The following GATB variants were observed in gnomAD, a reference collection of about 807,000 sequenced individuals.
The protein encoded by GATB is glutamyl-tRNA(Gln) amidotransferase subunit B, mitochondrial.
Under a neutral mutation model 62.3 loss-of-function variants are expected in GATB, and 39 were observed. The observed-to-expected ratio is 0.63, with a 90% confidence interval of 0.48 to 0.82. The LOEUF (loss-of-function observed/expected upper bound fraction) is 0.82. Among genes scored for constraint, GATB ranks in the 40% least tolerant of loss-of-function variants. The pLI, the probability that GATB is intolerant of heterozygous loss-of-function variation, is 0.00. For missense variants in GATB, 670 were observed against 684.0 expected (o/e 0.98, Z 0.23); for synonymous variants, 276 against 258.9 (o/e 1.07, Z -0.63).
chr4:151,720,727 A>C (rs1739015156), intron 2 of GATB: 1 of 152,194 alleles, frequency 6.6e-6, no homozygotes, highest in Non-Finnish European at 1.5e-5. Flanking sequence ...AGAGTCTAAA[A>C]CATTTGCCCA....
chr4:151,743,012 A>G (rs1026266701), intron 2 of GATB, among the ~76,000 whole-genome samples: 10 of 152,246 alleles, frequency 6.6e-5, no homozygotes, highest in Admixed American at 1.3e-4. Context: ...TAAAAGAGAA[A>G]AACAGAATTT....
At chr4:151,716,549 G>A (rs548953187) in intron 4 of GATB, among the ~76,000 whole-genome samples, 8 of 152,218 alleles carry the variant, frequency 5.3e-5, no homozygotes, top group Non-Finnish European at 1.2e-4. Context: ...AGCATTACAC[G>A]TGTAGGCACC....
intron 5 of GATB, among the ~76,000 whole-genome samples, chr4:151,711,012 G>A (rs1393683773): frequency 1.3e-5 from 2 of 152,058 alleles, no homozygotes; most frequent in Admixed American, 6.5e-5. Context: ...TTCCAATTTC[G>A]GTAAACAGCA....
intron 8 of GATB, 71 bp from the exon 9 acceptor site, chr4:151,701,589 G>T: frequency 1.8e-6 from 2 of 1,094,890 alleles, no homozygotes; most frequent in Non-Finnish European, 2.5e-6. Context: ...ACCTCCCCCA[G>T]TAATATGAAT....
At chr4:151,691,997 CAG>C (rs144292771) in intron 9 of GATB, among the ~76,000 whole-genome samples, 1,922 of 152,304 alleles carry the variant, frequency 0.013, 39 homozygotes, top group African/African-American at 0.044. Flanking sequence ...CTGCTAGACA[CAG>C]AGCTCAGAAC....
At chr4:151,678,880 T>C (rs1192954494) in intron 11 of GATB, among the ~76,000 whole-genome samples, 4 of 92,032 alleles carry the variant, frequency 4.3e-5, no homozygotes, top group Admixed American at 3.5e-4. Flanking sequence ...TTTCTGGTTA[T>C]GTGTTTTTTT....
chr4:151,687,238 A>T (rs150827507), intron 10 of GATB, among the ~76,000 whole-genome samples: 132 of 152,284 alleles, frequency 8.7e-4, no homozygotes, highest in African/African-American at 3.1e-3. Context: ...AGACTCATAG[A>T]TCTTGCCTAC....
intron 5 of GATB, among the ~76,000 whole-genome samples, chr4:151,715,623 C>G (rs1370801719): frequency 6.6e-6 from 1 of 152,130 alleles, no homozygotes; most frequent in Non-Finnish European, 1.5e-5. Context: ...AGGAAAGAAA[C>G]AGACCCAAAG....
chr4:151,683,423 C>T (rs1461118489), intron 10 of GATB, among the ~76,000 whole-genome samples: 1 of 152,212 alleles, frequency 6.6e-6, no homozygotes, highest in Non-Finnish European at 1.5e-5. Flanking sequence ...TCCTCCTCTT[C>T]CTTGCCTGTC....
At chr4:151,748,911 C>T (rs940488858) in intron 2 of GATB, among the ~76,000 whole-genome samples, 9 of 152,186 alleles carry the variant, frequency 5.9e-5, no homozygotes, top group Admixed American at 2.0e-4. Context: ...TGAAAAAATG[C>T]TCATCATCAC....
intron 2 of GATB, chr4:151,722,971 T>C (rs1560856975): frequency 6.6e-6 from 1 of 152,232 alleles, no homozygotes; most frequent in Non-Finnish European, 1.5e-5. Flanking sequence ...TTGTGTGTGA[T>C]ACGATCAAGA....
intron 2 of GATB, among the ~76,000 whole-genome samples, chr4:151,732,459 AG>A (rs1386505287): frequency 6.6e-6 from 1 of 152,150 alleles, no homozygotes; most frequent in Non-Finnish European, 1.5e-5. Flanking sequence ...GTGTCCACTC[AG>A]GGTTGAATGG....
chr4:151,702,131 T>C (rs1265948131), intron 8 of GATB, among the ~76,000 whole-genome samples: 1 of 152,196 alleles, frequency 6.6e-6, no homozygotes, highest in Non-Finnish European at 1.5e-5. Flanking sequence ...AACATCCATA[T>C]GTATGCAGGA....
intron 3 of GATB, 119 bp from the exon 4 acceptor site, chr4:151,717,193 G>GA (rs1738931330): frequency 1.1e-6 from 1 of 924,838 alleles, no homozygotes; most frequent in Non-Finnish European, 1.6e-6. Context: ...AAAACAACAA[G>GA]AAAAAAAGGA....
At chr4:151,676,106 T>C (rs1171484218) in intron 11 of GATB, 1 of 152,204 alleles carries the variant, frequency 6.6e-6, no homozygotes, top group African/African-American at 2.4e-5. Flanking sequence ...TGTGAAAGGT[T>C]ACTTTTCTAG....
rs1312222191 is a variant in GATB, at chr4:151,686,652, G to GCCCCGCCC, written c.1331+1977_1331+1978insGGGCGGGG. 4.3e-3 allele frequency among the ~76,000 whole-genome samples: 307 copies of GCCCCGCCC among 70,942 alleles called. 5 individuals are homozygous for GCCCCGCCC. The highest frequency in any genetic ancestry group is 0.012 in the African/African-American group (190 of 15,798). The allele number at this position is 70,942 out of a possible 152,430, so 46.5% of individuals were successfully genotyped here. A position where few individuals can be genotyped will look rare whatever the true frequency, so the allele number is the denominator to read the frequency against. On this transcript the variant is annotated intron_variant, in intron 10 of 12. Coordinates refer to ENST00000263985, the MANE Select transcript of GATB (RefSeq NM_004564.3). ...CTTCTGTGTCACCAGTCCCCGCCCC[G>GCCCCGCCC]CCCCCCCCCCACCCCCCAGTTTCCT...
At chr4:151,684,298 A>G (rs1560842502) in intron 10 of GATB, among the ~76,000 whole-genome samples, 1 of 152,242 alleles carries the variant, frequency 6.6e-6, no homozygotes, top group Non-Finnish European at 1.5e-5. Context: ...GAAATCTACA[A>G]TGTCTACTTT....
At chr4:151,697,945 G>GTGTGTGTATATATATATATA (rs1738506536) in intron 9 of GATB, among the ~76,000 whole-genome samples, 2 of 74,696 alleles carry the variant, frequency 2.7e-5, no homozygotes, top group African/African-American at 1.0e-4. Context: ...ATATGTGTGT[G>GTGTGTGTATATATATATATA]TGTGTGTGTA....
At chr4:151,698,479 ACTG>A (rs935960466) in intron 9 of GATB, among the ~76,000 whole-genome samples, 2 of 152,180 alleles carry the variant, frequency 1.3e-5, no homozygotes, top group African/African-American at 4.8e-5. Context: ...CACCTCCACC[ACTG>A]CTATTTATTT....
Sources: gnomAD v4.1 joint callset for allele counts (sites outside exome capture counted in the v4.1 genomes callset) on GRCh38, gnomAD v4.1.1 for gene constraint, MANE v1.5 for transcripts, NCBI Gene and HGNC (gene_info 2026-07-23, HGNC 2026-07-21) for gene names.